Variants in IL18R1 observed in about 807,000 individuals in gnomAD.
IL18R1 encodes the protein interleukin 18 receptor 1.
In IL18R1, 40 loss-of-function variants were observed where a neutral mutation model predicts 48.5. The observed-to-expected ratio is 0.82, with a 90% CI of 0.64 to 1.07. The LOEUF (loss-of-function observed/expected upper bound fraction) is 1.07, where lower values mean the gene tolerates loss of function less well. Ranked by LOEUF, IL18R1 falls within the 50% of genes least tolerant of loss-of-function variation. The probability of loss-of-function intolerance (pLI) is 0.00; values close to 1 mark genes in which losing one functional copy is unlikely to be tolerated. For missense variants in IL18R1, 596 were observed against 633.7 expected (o/e 0.94, Z 0.64); for synonymous variants, 232 against 225.9 (o/e 1.03, Z -0.24).
chr2:102,365,104 C>T (rs544286112), intron 2 of IL18R1, among the ~76,000 whole-genome samples: 3 of 152,268 alleles, frequency 2.0e-5, no homozygotes, highest in African/African-American at 7.2e-5. Context: ...CAATCATGCC[C>T]TTCTAACAGT....
chr2:102,357,723 G>T (rs149471761), intron 1 of IL18R1, among the ~76,000 whole-genome samples: 70 of 152,226 alleles, frequency 4.6e-4, no homozygotes, highest in Non-Finnish European at 7.9e-4. Flanking sequence ...AGTGGGGAGG[G>T]TGGCCCAGGT....
chr2:102,372,771 G>T (rs950421498), intron 4 of IL18R1, among the ~76,000 whole-genome samples: 1 of 151,870 alleles, frequency 6.6e-6, no homozygotes, highest in Non-Finnish European at 1.5e-5. Flanking sequence ...CCCTTGTTTC[G>T]TCTAACTAAT....
At chr2:102,372,351 C>T (rs980067134) in intron 4 of IL18R1, among the ~76,000 whole-genome samples, 2 of 152,170 alleles carry the variant, frequency 1.3e-5, no homozygotes. Flanking sequence ...AATAAATGAT[C>T]ACAGTTTCTT....
At chr2:102,394,425 A>C (rs377068405) in intron 9 of IL18R1, 44 bp from the exon 10 acceptor site, 183 of 1,495,160 alleles carry the variant, frequency 1.2e-4, no homozygotes, top group Admixed American at 5.3e-4. Flanking sequence ...CTTAAATAAA[A>C]TTTTATTTAC....
At chr2:102,390,948 AAAG>A (rs925348658) in intron 9 of IL18R1, among the ~76,000 whole-genome samples, 6 of 151,022 alleles carry the variant, frequency 4.0e-5, no homozygotes, top group African/African-American at 1.2e-4. Flanking sequence ...AAAAAAAAAA[AAAG>A]AGAGAGAAAA....
At chr2:102,363,513 G>A (rs1376539206) in intron 2 of IL18R1, among the ~76,000 whole-genome samples, 1 of 152,126 alleles carries the variant, frequency 6.6e-6, no homozygotes, top group Non-Finnish European at 1.5e-5. Context: ...AAAAGAATGA[G>A]GTAGATCTTC....
At chr2:102,358,770 T>G (rs970050834) in intron 1 of IL18R1, among the ~76,000 whole-genome samples, 15 of 152,204 alleles carry the variant, frequency 9.9e-5, no homozygotes, top group African/African-American at 3.6e-4. Context: ...TCACATTAGT[T>G]GCTAAAACAT....
At position 102,376,047 on chromosome 2, in the gene IL18R1, T is replaced by C. The variant is rs975164641; in HGVS notation, c.609T>C (p.Asn203=). ...GKLFNITKTF[N]ITIVEDRSNI... ...TATTTAATATCACCAAAACCTTCAATATAACAATAGTGGAAGGTAAGGGAA... is the reference window on the plus strand; with the variant it reads ...TATTTAATATCACCAAAACCTTCAACATAACAATAGTGGAAGGTAAGGGAA... The change falls in exon 5 of 11, where the codon AAT becomes AAC. Residue 203 remains asparagine (N), a synonymous_variant. Coordinates refer to ENST00000233957, the MANE Select transcript of IL18R1 (RefSeq NM_003855.5). 1.3e-6 allele frequency: 2 copies of C among 1,586,560 alleles called. No homozygotes were observed. The highest frequency in any genetic ancestry group is 2.7e-5 in the African/African-American group (2 of 73,244).
chr2:102,359,406 G>A (rs562449303), intron 1 of IL18R1, among the ~76,000 whole-genome samples: 5 of 152,132 alleles, frequency 3.3e-5, no homozygotes, highest in Non-Finnish European at 7.4e-5. Context: ...AAGAATGATC[G>A]GTTTGACTAC....
At chr2:102,381,957 T>C (rs1306990265) in intron 6 of IL18R1, among the ~76,000 whole-genome samples, 1 of 152,150 alleles carries the variant, frequency 6.6e-6, no homozygotes, top group Non-Finnish European at 1.5e-5. Context: ...TGTCTTTAAC[T>C]CTCTCTATGG....
At chr2:102,382,478 A>G (rs1227166906) in intron 6 of IL18R1, among the ~76,000 whole-genome samples, 2 of 152,182 alleles carry the variant, frequency 1.3e-5, no homozygotes, top group Admixed American at 6.5e-5. Flanking sequence ...TCAAAAGAGA[A>G]AGGAAAGAAA....
chr2:102,365,528 G>T lies in IL18R1; in HGVS notation c.59-2297G>T, dbSNP rs558512191. On this transcript the variant is annotated intron_variant, in intron 2 of 10. Transcript: ENST00000233957. Reference sequence around the variant, plus strand: ...GTTGAGTTTCTGGGCTTTTTCAAGTGCATGGTGCAAGCTGTCAGTGAATCT... The same window carrying T: ...GTTGAGTTTCTGGGCTTTTTCAAGTTCATGGTGCAAGCTGTCAGTGAATCT... Among the ~76,000 whole-genome samples, 30 of 152,256 alleles carry T rather than the reference G, an allele frequency of 2.0e-4. No individual in the cohort carries two copies. In the South Asian group the frequency reaches 6.0e-3, roughly 30 times the overall value.
At chr2:102,366,993 A>G (rs575928201) in intron 2 of IL18R1, among the ~76,000 whole-genome samples, 1 of 152,356 alleles carries the variant, frequency 6.6e-6, no homozygotes, top group South Asian at 2.1e-4. Context: ...TGTTTCGTTC[A>G]GTTTAAATAC....
chr2:102,364,535 A>G (rs1678769444), intron 2 of IL18R1, among the ~76,000 whole-genome samples: 1 of 152,238 alleles, frequency 6.6e-6, no homozygotes, highest in Non-Finnish European at 1.5e-5. Flanking sequence ...TGACACCCAC[A>G]TATACACATG....
At chr2:102,386,225 G>A (rs1385091037) in intron 7 of IL18R1, among the ~76,000 whole-genome samples, 1 of 152,170 alleles carries the variant, frequency 6.6e-6, no homozygotes, top group Non-Finnish European at 1.5e-5. Context: ...TCATTGGTGG[G>A]GGAAGTGGAT....
chr2:102,381,157 G>A (rs775044325), intron 5 of IL18R1, among the ~76,000 whole-genome samples: 4 of 152,168 alleles, frequency 2.6e-5, no homozygotes, highest in Non-Finnish European at 4.4e-5. Context: ...AATATTGAAG[G>A]GACACTGCTC....
rs1417307354 is a variant in IL18R1 at position 102,386,989 on chromosome 2, TGGTGAGAAAA to T, written c.948_949+8del. 1 of 1,612,496 alleles carries T rather than the reference TGGTGAGAAAA, an allele frequency of 6.2e-7. No homozygotes were observed. The highest frequency in any genetic ancestry group is 1.7e-5 in the Admixed American group (1 of 59,508). ...GGCACAGACACCAAAAGCTTCATCT[TGGTGAGAAAA>T]GGTGAGAAAGATTTATTTTTGGAAG... On this transcript the variant is annotated frameshift_variant and splice_region_variant, in exon 8 of 11. Transcript: ENST00000233957. LOFTEE classifies it high-confidence loss of function.
chr2:102,359,093 T>C (rs910408662), intron 1 of IL18R1, among the ~76,000 whole-genome samples: 2 of 152,156 alleles, frequency 1.3e-5, no homozygotes, highest in Admixed American at 6.5e-5. Flanking sequence ...AGACTTGCAG[T>C]AGAGTGCTCA....
rs149576927 is a variant in IL18R1 at position 102,393,523 on chromosome 2, C to A, written c.1112-946C>A. On this transcript the variant is annotated intron_variant, in intron 9 of 10. Transcript: ENST00000233957. ...CATGAGTGCTATGGAGGATGCCAGG[C>A]TGGGCTGTTAAGCATAAATGATGTG... is the stretch of plus-strand genomic sequence containing the variant. Among the ~76,000 whole-genome samples, 30 of 152,244 alleles carry A rather than the reference C, an allele frequency of 2.0e-4. No homozygotes were observed. The East Asian group carries it at 5.4e-3, about 27-fold the overall frequency.
Sources: gnomAD v4.1 joint callset for allele counts (sites outside exome capture counted in the v4.1 genomes callset) on GRCh38, gnomAD v4.1.1 for gene constraint, MANE v1.5 for transcripts, NCBI Gene and HGNC (gene_info 2026-07-23, HGNC 2026-07-21) for gene names.